Variants in FAF1 observed in about 807,000 individuals in gnomAD.
FAF1 encodes FAS-associated factor 1.
In FAF1, 25 loss-of-function variants were observed where a neutral mutation model predicts 92.5. The observed-to-expected ratio is 0.27, with a 90% CI of 0.20 to 0.38. FAF1 has a LOEUF of 0.38. Among genes scored for constraint, FAF1 ranks in the 10% least tolerant of loss-of-function variants. The pLI, the probability that FAF1 is intolerant of heterozygous loss-of-function variation, is 1.00. For missense variants in FAF1, 636 were observed against 793.3 expected (o/e 0.80, Z 2.38); for synonymous variants, 234 against 273.2 (o/e 0.86, Z 1.42).
chr1:50,937,707 A>C (rs1009750675), intron 1 of FAF1, among the ~76,000 whole-genome samples: 1 of 152,168 alleles, frequency 6.6e-6, no homozygotes, highest in Non-Finnish European at 1.5e-5. Flanking sequence ...GCCAAGTTCT[A>C]TATTCCTTTA....
At chr1:50,488,370 G>A (rs754272526) in intron 17 of FAF1, among the ~76,000 whole-genome samples, 3 of 152,198 alleles carry the variant, frequency 2.0e-5, no homozygotes, top group Non-Finnish European at 2.9e-5. Flanking sequence ...ATCATCAGAT[G>A]AAATTACATA....
intron 15 of FAF1, among the ~76,000 whole-genome samples, chr1:50,512,839 T>G (rs1236387551): frequency 6.6e-6 from 1 of 152,246 alleles, no homozygotes; most frequent in Non-Finnish European, 1.5e-5. Flanking sequence ...ATGGCCATTT[T>G]CATGATATTG....
At chr1:50,791,530 C>T (rs1374103772) in intron 3 of FAF1, among the ~76,000 whole-genome samples, 1 of 152,092 alleles carries the variant, frequency 6.6e-6, no homozygotes, top group Non-Finnish European at 1.5e-5. Flanking sequence ...CTTCTTTTTT[C>T]CTGCTTGCAT....
At chr1:50,850,904 C>T (rs995786360) in intron 2 of FAF1, among the ~76,000 whole-genome samples, 4 of 152,056 alleles carry the variant, frequency 2.6e-5, no homozygotes, top group Non-Finnish European at 4.4e-5. Context: ...AGAAGAATTG[C>T]CAAGGCATCA....
At chr1:50,879,205 A>G (rs907941501) in intron 1 of FAF1, among the ~76,000 whole-genome samples, 6 of 152,214 alleles carry the variant, frequency 3.9e-5, no homozygotes, top group African/African-American at 1.4e-4. Flanking sequence ...AGATTGCGCC[A>G]CTGCACTCCA....
intron 7 of FAF1, among the ~76,000 whole-genome samples, chr1:50,697,254 A>G (rs1657273579): frequency 6.6e-6 from 1 of 152,232 alleles, no homozygotes. Flanking sequence ...ATAGTGCCTA[A>G]TGCATACAGG....
At chr1:50,518,206 T>C (rs765436743) in intron 15 of FAF1, among the ~76,000 whole-genome samples, 9 of 152,220 alleles carry the variant, frequency 5.9e-5, no homozygotes, top group Non-Finnish European at 1.0e-4. Flanking sequence ...ATAATAGAAC[T>C]GTACAGTGTA....
At chr1:50,444,742 C>A (rs1646208723) in intron 18 of FAF1, among the ~76,000 whole-genome samples, 1 of 152,202 alleles carries the variant, frequency 6.6e-6, no homozygotes, top group Non-Finnish European at 1.5e-5. Flanking sequence ...CTAGACCTCA[C>A]AACAGCTCAG....
intron 8 of FAF1, among the ~76,000 whole-genome samples, chr1:50,637,217 C>T (rs1569640699): frequency 6.7e-6 from 1 of 149,434 alleles, no homozygotes; most frequent in African/African-American, 2.5e-5. Flanking sequence ...AGGTGGATCA[C>T]CTGAGGTCAG....
chr1:50,722,943 C>A (rs74080067), intron 6 of FAF1, among the ~76,000 whole-genome samples: 4,733 of 152,260 alleles, frequency 0.031, 243 homozygotes, highest in African/African-American at 0.11. Flanking sequence ...CCTTCCAAAG[C>A]TGGTATCCTA....
chr1:50,871,893 G>A (rs557517023), intron 1 of FAF1, among the ~76,000 whole-genome samples: 148 of 151,894 alleles, frequency 9.7e-4, no homozygotes, highest in Non-Finnish European at 1.6e-3. Context: ...GTGAAACCCC[G>A]TCTCTACCAA....
intron 1 of FAF1, among the ~76,000 whole-genome samples, chr1:50,940,915 T>C (rs1026736428): frequency 1.3e-5 from 2 of 152,156 alleles, no homozygotes; most frequent in African/African-American, 2.4e-5. Context: ...CCAGCAAAAC[T>C]ACACTGTCCT....
intron 13 of FAF1, 58 bp downstream of exon 13, chr1:50,567,019 C>T: frequency 7.6e-7 from 1 of 1,309,882 alleles, no homozygotes; most frequent in South Asian, 1.8e-5. Flanking sequence ...TGATGATAAA[C>T]ACAATGATTT....
chr1:50,889,942 T>G (rs1264908423), intron 1 of FAF1, among the ~76,000 whole-genome samples: 1 of 152,244 alleles, frequency 6.6e-6, no homozygotes, highest in Non-Finnish European at 1.5e-5. Context: ...GTCTCACTGA[T>G]CTGTCTAATG....
intron 18 of FAF1, among the ~76,000 whole-genome samples, chr1:50,442,905 G>C (rs768636999): frequency 7.2e-5 from 11 of 152,212 alleles, no homozygotes; most frequent in Non-Finnish European, 1.5e-4. Flanking sequence ...AAAGCACACT[G>C]TATTTGTATC....
chr1:50,745,405 GA>G (rs922964700), intron 4 of FAF1, among the ~76,000 whole-genome samples: 18 of 151,924 alleles, frequency 1.2e-4, no homozygotes, highest in African/African-American at 4.4e-4. Flanking sequence ...TTTCAGAAAA[GA>G]AAAAAAATGT....
intron 15 of FAF1, among the ~76,000 whole-genome samples, chr1:50,510,081 G>A (rs1647113721): frequency 6.6e-6 from 1 of 150,902 alleles, no homozygotes; most frequent in Admixed American, 6.6e-5. Flanking sequence ...AGGCAGAATT[G>A]CTTGAACCTG....
At chr1:50,762,908 C>T (rs1370133300) in intron 4 of FAF1, among the ~76,000 whole-genome samples, 1 of 152,144 alleles carries the variant, frequency 6.6e-6, no homozygotes, top group Non-Finnish European at 1.5e-5. Flanking sequence ...AGGCAACCTA[C>T]AAAATGGGAG....
chr1:50,707,302 A>G (rs1240840259), intron 6 of FAF1, among the ~76,000 whole-genome samples: 1 of 152,186 alleles, frequency 6.6e-6, no homozygotes, highest in African/African-American at 2.4e-5. Flanking sequence ...GCGAGCACCA[A>G]TATATGTAAC....
Sources: gnomAD v4.1 joint callset for allele counts (sites outside exome capture counted in the v4.1 genomes callset) on GRCh38, gnomAD v4.1.1 for gene constraint, MANE v1.5 for transcripts, NCBI Gene and HGNC (gene_info 2026-07-23, HGNC 2026-07-21) for gene names.